Variants in XIRP2 observed in about 807,000 individuals in gnomAD.
XIRP2 encodes xin actin binding repeat containing 2.
Under a neutral mutation model 277.0 loss-of-function variants are expected in XIRP2, and 236 were observed. That is an observed-to-expected ratio of 0.85 (90% CI 0.77 to 0.95). The LOEUF (loss-of-function observed/expected upper bound fraction) is 0.95, where lower values mean the gene tolerates loss of function less well. XIRP2 is among the 40% of genes least tolerant of loss of function. The probability of loss-of-function intolerance (pLI) is 0.00; values close to 1 mark genes in which losing one functional copy is unlikely to be tolerated. For synonymous variants in XIRP2, 1,490 were observed against 1,416.5 expected, an observed-to-expected ratio of 1.05 and a Z score of -1.17; for missense variants, 4,640 against 4,157.5, an observed-to-expected ratio of 1.12 and a Z score of -3.19.
intron 2 of XIRP2, among the ~76,000 whole-genome samples, chr2:166,947,770 C>T (rs970120252): frequency 6.6e-5 from 10 of 152,076 alleles, no homozygotes; most frequent in African/African-American, 1.2e-4. Context: ...TACCCAAAGA[C>T]GCTGAAAGCT....
At chr2:166,911,015 G>A (rs1031023940) in intron 2 of XIRP2, among the ~76,000 whole-genome samples, 44 of 152,236 alleles carry the variant, frequency 2.9e-4, no homozygotes, top group African/African-American at 1.0e-3. Context: ...CATTTGCTGA[G>A]GAGTGCTTTA....
rs1020928084 is a variant in XIRP2 at position 166,934,860 on chromosome 2, A to AAAT, written c.408+30970_408+30971insAAT. Among the ~76,000 whole-genome samples, 365 of 139,892 alleles carry AAAT rather than the reference A, an allele frequency of 2.6e-3. 6 individuals are homozygous for AAAT. Among genetic ancestry groups the AAAT allele is most frequent in the South Asian group, 5.5e-3 (23 of 4,192 alleles). The allele number at this position is 139,892 out of a possible 152,430, so 91.8% of individuals were successfully genotyped here. On this transcript the variant is annotated intron_variant, in intron 2 of 10. Transcript: ENST00000409195. Reference sequence around the variant, plus strand: ...TGTCTCTACTAAAAATAAAAAAAAAATTTTTTAAAAAAGAAAAATAATTAA... The same window carrying AAAT: ...TGTCTCTACTAAAAATAAAAAAAAAAAATTTTTTTAAAAAAGAAAAATAATTAA...
intron 2 of XIRP2, among the ~76,000 whole-genome samples, chr2:167,080,386 T>C (rs1468096453): frequency 6.6e-6 from 1 of 152,150 alleles, no homozygotes; most frequent in Non-Finnish European, 1.5e-5. Flanking sequence ...ATGAGGATAC[T>C]GCCAGACTAA....
intron 2 of XIRP2, among the ~76,000 whole-genome samples, chr2:167,036,737 G>A (rs2105513385): frequency 6.6e-6 from 1 of 152,226 alleles, no homozygotes; most frequent in Admixed American, 6.5e-5. Flanking sequence ...GAATGATATG[G>A]TTTGGCTGTG....
intron 2 of XIRP2, among the ~76,000 whole-genome samples, chr2:166,959,640 G>A (rs1444557149): frequency 6.6e-6 from 1 of 151,812 alleles, no homozygotes; most frequent in Non-Finnish European, 1.5e-5. Context: ...TTTGAATATA[G>A]AAATTCTTCT....
chr2:167,042,423 G>C (rs574307130), intron 2 of XIRP2, among the ~76,000 whole-genome samples: 3 of 152,232 alleles, frequency 2.0e-5, no homozygotes, highest in Admixed American at 6.5e-5. Context: ...AGACTCAACT[G>C]TATGTTGCCT....
At chr2:167,057,370 GAATTTGTGAGCA>G (rs1689063370) in intron 2 of XIRP2, among the ~76,000 whole-genome samples, 1 of 152,116 alleles carries the variant, frequency 6.6e-6, no homozygotes, top group Non-Finnish European at 1.5e-5. Flanking sequence ...TTCACCAAGT[GAATTTGTGAGCA>G]GAAGTATAAA....
chr2:166,956,780 A>G (rs1686173419), intron 2 of XIRP2, among the ~76,000 whole-genome samples: 1 of 151,676 alleles, frequency 6.6e-6, no homozygotes. Context: ...ACACCCAAAG[A>G]TTCTGTCCCT....
Position 167,215,639 on chromosome 2 carries a change from T to G in XIRP2, c.724-2527T>G, listed in dbSNP as rs113090928. Among the ~76,000 whole-genome samples, 119 of 152,276 alleles carry G rather than the reference T, an allele frequency of 7.8e-4. 1 individual carries two copies. Among genetic ancestry groups the G allele is most frequent in the African/African-American group, 2.8e-3 (115 of 41,562 alleles). On this transcript the variant is annotated intron_variant, in intron 4 of 10. Coordinates refer to ENST00000409195, the MANE Select transcript of XIRP2 (RefSeq NM_152381.6). ...CCAGTTACTTTCAAGGTCTTAAGGCTTTGAGGGTTATGTCAGGACTGGGTC... is the reference window on the plus strand; with the variant it reads ...CCAGTTACTTTCAAGGTCTTAAGGCGTTGAGGGTTATGTCAGGACTGGGTC...
At chr2:167,207,625 A>G (rs532904067) in intron 3 of XIRP2, among the ~76,000 whole-genome samples, 7 of 152,342 alleles carry the variant, frequency 4.6e-5, no homozygotes, top group African/African-American at 1.7e-4. Context: ...TTTTATTAAT[A>G]GATTTAGTTT....
intron 2 of XIRP2, among the ~76,000 whole-genome samples, chr2:167,025,282 T>C (rs2105492792): frequency 6.6e-6 from 1 of 152,324 alleles, no homozygotes; most frequent in South Asian, 2.1e-4. Context: ...TTTGTATTTC[T>C]GTGGGATCGG....
At chr2:167,168,628 T>G (rs558752055) in intron 3 of XIRP2, among the ~76,000 whole-genome samples, 1 of 152,364 alleles carries the variant, frequency 6.6e-6, no homozygotes, top group South Asian at 2.1e-4. Context: ...TTGTTTTTGT[T>G]TTTTGAGACG....
chr2:166,959,028 G>C (rs1318983839), intron 2 of XIRP2, among the ~76,000 whole-genome samples: 1 of 151,626 alleles, frequency 6.6e-6, no homozygotes, highest in African/African-American at 2.4e-5. Flanking sequence ...AAGCATCTCT[G>C]TTTCTCTCAA....
At chr2:167,254,237 G>C in intron 10 of XIRP2, 72 bp downstream of exon 10, 1 of 1,396,902 alleles carries the variant, frequency 7.2e-7, no homozygotes, top group Non-Finnish European at 9.4e-7. Flanking sequence ...ATATCTCTAG[G>C]AGGATGCACA....
chr2:167,183,647 T>G (rs559373898), intron 3 of XIRP2, among the ~76,000 whole-genome samples: 1 of 152,288 alleles, frequency 6.6e-6, no homozygotes, highest in African/African-American at 2.4e-5. Flanking sequence ...TCATATGTTT[T>G]GTGTGTTATT....
intron 10 of XIRP2, among the ~76,000 whole-genome samples, chr2:167,254,615 G>T (rs1695609088): frequency 6.6e-6 from 1 of 151,850 alleles, no homozygotes; most frequent in Non-Finnish European, 1.5e-5. Context: ...AAATGGGTGT[G>T]GTTGTAAATA....
At chr2:166,973,993 C>T (rs1366109861) in intron 2 of XIRP2, among the ~76,000 whole-genome samples, 2 of 152,084 alleles carry the variant, frequency 1.3e-5, no homozygotes, top group Admixed American at 6.6e-5. Context: ...TCTTAGTAGA[C>T]AAATCAATGT....
chr2:167,078,370 T>C (rs1345847411), intron 2 of XIRP2, among the ~76,000 whole-genome samples: 1 of 152,204 alleles, frequency 6.6e-6, no homozygotes, highest in African/African-American at 2.4e-5. Flanking sequence ...CAAGGACGCT[T>C]TTCAGTCTTT....
At chr2:166,996,110 G>A (rs1245776333) in intron 2 of XIRP2, among the ~76,000 whole-genome samples, 1 of 152,142 alleles carries the variant, frequency 6.6e-6, no homozygotes, top group African/African-American at 2.4e-5. Flanking sequence ...GCTCCTTGAG[G>A]GCAAGGGTTG....
Sources: allele counts gnomAD v4.1 joint callset (sites outside exome capture counted in the v4.1 genomes callset), GRCh38; gene constraint gnomAD v4.1.1; transcripts MANE v1.5; gene names NCBI Gene and HGNC (gene_info 2026-07-23, HGNC 2026-07-21).